IPO11: variants seen among roughly 807,000 people sequenced by gnomAD.
The protein encoded by IPO11 is importin 11.
Under a neutral mutation model 143.2 loss-of-function variants are expected in IPO11, and 66 were observed. That is an observed-to-expected ratio of 0.46 (90% confidence interval 0.38 to 0.57). The LOEUF is 0.57. Among genes scored for constraint, IPO11 ranks in the 20% least tolerant of loss-of-function variants. The pLI, the probability that IPO11 is intolerant of heterozygous loss-of-function variation, is 0.00. For synonymous variants in IPO11, 385 were observed against 377.8 expected, an observed-to-expected ratio of 1.02 and a Z score of -0.22; for missense variants, 1,026 against 1,141.0, an observed-to-expected ratio of 0.90 and a Z score of 1.45.
Position 62,490,169 on chromosome 5 carries a change from A to G in IPO11, c.1412A>G (p.Asp471Gly), listed in dbSNP as rs775269043. The G allele has an allele frequency of 2.1e-5, 33 of 1,605,958 alleles. No individual in the cohort carries two copies. The Admixed American group carries it at 5.6e-4, about 27-fold the overall frequency. The change falls in exon 15 of 30, where the codon GAT (aspartate) becomes GGT (glycine). Residue 471 changes from aspartate (D) to glycine (G), a missense_variant. Asp to Gly is a moderately conservative substitution (Grantham distance 94). Around this residue, in one of 5 missense-constraint regions of IPO11, gnomAD observed 237 missense variants for 288.0 expected, o/e 0.82. Transcript: ENST00000325324. Reference protein sequence around the residue: ...AYELFDSVDFDQWFKNQLLPE... With the variant: ...AYELFDSVDFGQWFKNQLLPE... ...GAGCTCTTTGACAGTGTTGATTTTG[A>G]TCAGTGGTTTAAAAACCAGCTTCTT...
At chr5:62,464,764 C>T (rs1033447826) in intron 5 of IPO11, among the ~76,000 whole-genome samples, 6 of 152,128 alleles carry the variant, frequency 3.9e-5, no homozygotes, top group Non-Finnish European at 5.9e-5. Flanking sequence ...TGAGCCATCG[C>T]GCCTGGTCTG....
At chr5:62,504,035 A>G (rs1251031859) in intron 16 of IPO11, among the ~76,000 whole-genome samples, 1 of 152,224 alleles carries the variant, frequency 6.6e-6, no homozygotes, top group Non-Finnish European at 1.5e-5. Flanking sequence ...TTAGCCGATT[A>G]AGTCTGCGAT....
intron 22 of IPO11, among the ~76,000 whole-genome samples, chr5:62,533,949 C>CT (rs1561352076): frequency 2.7e-5 from 2 of 75,436 alleles, no homozygotes; most frequent in East Asian, 3.0e-4. Flanking sequence ...GATGCTTTCT[C>CT]TTTAAAAAAA....
chr5:62,481,573 C>T (rs1434765327), intron 9 of IPO11, among the ~76,000 whole-genome samples: 4 of 152,064 alleles, frequency 2.6e-5, no homozygotes, highest in Non-Finnish European at 2.9e-5. Flanking sequence ...CATTGATTTG[C>T]GTATGTTGAA....
At chr5:62,523,430 C>A (rs1330685256) in intron 20 of IPO11, among the ~76,000 whole-genome samples, 5 of 152,016 alleles carry the variant, frequency 3.3e-5, no homozygotes, top group African/African-American at 1.2e-4. Context: ...GAGGAAGAAA[C>A]GTTACGATTT....
intron 24 of IPO11, among the ~76,000 whole-genome samples, chr5:62,547,213 G>A (rs1167796159): frequency 6.6e-6 from 1 of 152,092 alleles, no homozygotes; most frequent in African/African-American, 2.4e-5. Context: ...ATTGTCATCA[G>A]TAATATTGGT....
At chr5:62,471,175 A>T (rs2112200529) in intron 7 of IPO11, among the ~76,000 whole-genome samples, 1 of 145,242 alleles carries the variant, frequency 6.9e-6, no homozygotes, top group Admixed American at 6.9e-5. Flanking sequence ...GCATTTTATT[A>T]TACTTAGATT....
intron 29 of IPO11, among the ~76,000 whole-genome samples, chr5:62,609,754 C>T (rs1745863322): frequency 6.6e-6 from 1 of 152,222 alleles, no homozygotes; most frequent in Non-Finnish European, 1.5e-5. Flanking sequence ...ATGGGCACTT[C>T]ATTAGACTGC....
intron 5 of IPO11, among the ~76,000 whole-genome samples, chr5:62,456,343 A>C (rs575298289): frequency 6.6e-6 from 1 of 152,316 alleles, no homozygotes; most frequent in East Asian, 1.9e-4. Flanking sequence ...TTTACATATA[A>C]ACCTAAATAT....
chr5:62,443,375 C>A, intron 3 of IPO11: 1 of 239,740 alleles, frequency 4.2e-6, no homozygotes, highest in Non-Finnish European at 7.7e-6. Context: ...TCATGGTTTT[C>A]CATTTGAGTG....
intron 26 of IPO11, among the ~76,000 whole-genome samples, chr5:62,554,048 C>T (rs1354154679): frequency 3.0e-4 from 46 of 152,158 alleles, no homozygotes; most frequent in Non-Finnish European, 1.5e-5. Flanking sequence ...ACCATTTTTT[C>T]ATGTACCTGT....
chr5:62,546,064 G>C (rs6887244), intron 24 of IPO11, among the ~76,000 whole-genome samples: 2,563 of 152,286 alleles, frequency 0.017, 66 homozygotes, highest in African/African-American at 0.059. Flanking sequence ...TCTAGAACTA[G>C]AAATACCATT....
intron 27 of IPO11, chr5:62,581,356 T>C (rs1744553691): frequency 7.4e-7 from 1 of 1,350,504 alleles, no homozygotes; most frequent in African/African-American, 1.5e-5. Context: ...GGACATGATT[T>C]AAACTGAAAC....
intron 27 of IPO11, among the ~76,000 whole-genome samples, chr5:62,587,566 TA>T (rs1744842963): frequency 6.6e-6 from 1 of 152,058 alleles, no homozygotes; most frequent in Non-Finnish European, 1.5e-5. Context: ...TTTTCTAATA[TA>T]AAAAATATTG....
At chr5:62,500,646 T>C (rs981130562) in intron 16 of IPO11, among the ~76,000 whole-genome samples, 1 of 152,128 alleles carries the variant, frequency 6.6e-6, no homozygotes, top group African/African-American at 2.4e-5. Flanking sequence ...TACAAGTGCA[T>C]GTTACCAGGC....
chr5:62,558,103 T>C (rs1382653374), intron 26 of IPO11, among the ~76,000 whole-genome samples: 1 of 152,228 alleles, frequency 6.6e-6, no homozygotes, highest in African/African-American at 2.4e-5. Flanking sequence ...CTGATAGATG[T>C]CAGTGTGGTC....
chr5:62,480,558 C>T (rs528390030), intron 9 of IPO11, among the ~76,000 whole-genome samples: 2 of 152,222 alleles, frequency 1.3e-5, no homozygotes, highest in African/African-American at 4.8e-5. Context: ...GATATTGATT[C>T]TTCCTATCCA....
At chr5:62,591,486 C>G (rs1165034017) in intron 27 of IPO11, 91 bp from the exon 28 acceptor site, 5 of 692,902 alleles carry the variant, frequency 7.2e-6, no homozygotes, top group Non-Finnish European at 1.2e-5. Flanking sequence ...TGAAATTTCT[C>G]TTCATGTTCG....
intron 19 of IPO11, among the ~76,000 whole-genome samples, chr5:62,513,627 A>C (rs1253930789): frequency 2.2e-5 from 3 of 133,470 alleles, no homozygotes; most frequent in South Asian, 2.6e-4. Flanking sequence ...ACTTCCCAGT[A>C]GGGGCGGCCG....
Sources: allele counts gnomAD v4.1 joint callset (sites outside exome capture counted in the v4.1 genomes callset), GRCh38; gene constraint gnomAD v4.1.1; regional missense constraint gnomAD v4.1.1; transcripts MANE v1.5; gene names NCBI Gene and HGNC (gene_info 2026-07-23, HGNC 2026-07-21).